SHANK2: variants seen among roughly 807,000 people sequenced by gnomAD.
SHANK2 encodes SH3 and multiple ankyrin repeat domains protein 2.
Under a neutral mutation model 133.7 loss-of-function variants are expected in SHANK2, and 43 were observed. The observed-to-expected ratio is 0.32, with a 90% CI of 0.25 to 0.41. The LOEUF (loss-of-function observed/expected upper bound fraction) is 0.41. SHANK2 is among the 10% of genes least tolerant of loss of function. The pLI is 1.00. For synonymous variants in SHANK2, 1,017 were observed against 952.8 expected, an observed-to-expected ratio of 1.07 and a Z score of -1.24; for missense variants, 1,994 against 2,235.8, an observed-to-expected ratio of 0.89 and a Z score of 2.18.
At chr11:70,867,911 A>G (rs1949393780) in intron 11 of SHANK2, among the ~76,000 whole-genome samples, 1 of 152,122 alleles carries the variant, frequency 6.6e-6, no homozygotes, top group South Asian at 2.1e-4. Flanking sequence ...TCTGGACTTC[A>G]TGTACTGACA....
chr11:70,820,718 C>A, intron 11 of SHANK2, 36 bp from the exon 12 acceptor site: 5 of 631,698 alleles, frequency 7.9e-6, no homozygotes. Flanking sequence ...CCGGTGAGTG[C>A]ATCTGTGTCG....
chr11:70,661,535 A>ACC (rs1372239691), intron 16 of SHANK2, 61 bp downstream of exon 16: 1 of 1,207,342 alleles, frequency 8.3e-7, no homozygotes, highest in African/African-American at 1.5e-5. Context: ...ACACACACAC[A>ACC]CACACACACA....
chr11:70,681,292 T>C (rs1945024485), intron 15 of SHANK2, among the ~76,000 whole-genome samples: 1 of 152,126 alleles, frequency 6.6e-6, no homozygotes, highest in Admixed American at 6.5e-5. Context: ...CACAGAGATG[T>C]TTCTCCGCGG....
At chr11:71,244,459 C>A (rs1337598537) in intron 1 of SHANK2, among the ~76,000 whole-genome samples, 1 of 152,248 alleles carries the variant, frequency 6.6e-6, no homozygotes, top group African/African-American at 2.4e-5. Context: ...AGGCTCTCAG[C>A]GTGCAGCCCC....
intron 2 of SHANK2, among the ~76,000 whole-genome samples, chr11:71,217,877 G>A (rs1954446227): frequency 6.6e-6 from 1 of 152,188 alleles, no homozygotes; most frequent in African/African-American, 2.4e-5. Context: ...TTGAGACAGA[G>A]TCTCGCTCTG....
intron 1 of SHANK2, among the ~76,000 whole-genome samples, chr11:71,234,962 G>A (rs550075784): frequency 2.1e-3 from 318 of 152,252 alleles, no homozygotes; most frequent in Non-Finnish European, 2.9e-3. Flanking sequence ...ATGGAGACAC[G>A]AAACATGAGC....
At chr11:70,792,390 A>ACCAG (rs781996287) in intron 14 of SHANK2, among the ~76,000 whole-genome samples, 4 of 132,422 alleles carry the variant, frequency 3.0e-5, no homozygotes, top group Admixed American at 7.8e-5. Flanking sequence ...CAACCAGCCA[A>ACCAG]CCAGCCAACC....
intron 1 of SHANK2, among the ~76,000 whole-genome samples, chr11:71,239,956 G>A (rs559168972): frequency 9.8e-5 from 15 of 152,296 alleles, no homozygotes; most frequent in African/African-American, 2.9e-4. Context: ...ACACATCCCC[G>A]GGAGCTGGGC....
chr11:70,811,512 T>C (rs1948276346), intron 12 of SHANK2, among the ~76,000 whole-genome samples: 2 of 151,986 alleles, frequency 1.3e-5, no homozygotes, highest in African/African-American at 4.8e-5. Context: ...CAAATACCTG[T>C]TCTTCCATCC....
intron 10 of SHANK2, chr11:70,942,561 G>A (rs1412190727): frequency 6.6e-6 from 3 of 456,620 alleles, no homozygotes; most frequent in East Asian, 6.9e-5. Flanking sequence ...TTCAACATGA[G>A]ATTTGGTGGG....
intron 17 of SHANK2, among the ~76,000 whole-genome samples, chr11:70,542,386 G>A (rs1453905951): frequency 6.6e-6 from 1 of 152,150 alleles, no homozygotes; most frequent in Non-Finnish European, 1.5e-5. Context: ...AAGGAATACC[G>A]GGAGCCCCAG....
rs374839735 is a variant in SHANK2 at position 71,118,970 on chromosome 11, T to G, written c.270A>C (p.Thr90=). The change falls in exon 4 of 26, where the codon ACA becomes ACC. Residue 90 remains threonine (T), a synonymous_variant. Coordinates refer to ENST00000601538, the MANE Select transcript of SHANK2 (RefSeq NM_012309.5). ...VWVAKQRILC[T]LTQSLKDVLN... is the part of the protein sequence containing the mutation. The stretch of plus-strand genomic sequence containing the variant: ...GGACATCTTTCAAACTCTGGGTTAA[T>G]GTACACAGGATCCGCTGCTTTGCAA... 5.8e-6 allele frequency: 9 copies of G among 1,551,646 alleles called. No homozygotes were observed. The highest frequency in any genetic ancestry group is 1.7e-4 in the Middle Eastern group (1 of 6,014).
At chr11:70,736,773 C>G (rs1341895769) in intron 14 of SHANK2, among the ~76,000 whole-genome samples, 14 of 152,180 alleles carry the variant, frequency 9.2e-5, no homozygotes, top group African/African-American at 3.4e-4. Context: ...CAACACAACC[C>G]CCACCCCACC....
In SHANK2 at chr11:70,698,670, G is replaced by C; in HGVS notation, c.1853+18C>G. On this transcript the variant is annotated intron_variant, in intron 15 of 25. Coordinates refer to ENST00000601538, the MANE Select transcript of SHANK2 (RefSeq NM_012309.5). ...GCTTTGACCAGAGGGTCCTGGAAGA[G>C]AAAGCAGCGCGTCTTACCTGGAAGT... 1 of 718,646 alleles carries C rather than the reference G, an allele frequency of 1.4e-6. No individual in the cohort carries two copies. Among genetic ancestry groups the C allele is most frequent in the South Asian group, 1.5e-5 (1 of 67,608 alleles). 44.5% of individuals were successfully genotyped at this position (718,646 alleles called of 1,614,324 possible). A position where few individuals can be genotyped will look rare whatever the true frequency, so the allele number is the denominator to read the frequency against.
At chr11:71,113,022 C>G (rs1237221264) in intron 5 of SHANK2, among the ~76,000 whole-genome samples, 1 of 152,188 alleles carries the variant, frequency 6.6e-6, no homozygotes, top group Non-Finnish European at 1.5e-5. Context: ...TCAGAGATGC[C>G]GCTTTTGACC....
At chr11:70,748,223 CACAG>C (rs1390446966) in intron 14 of SHANK2, among the ~76,000 whole-genome samples, 1 of 152,176 alleles carries the variant, frequency 6.6e-6, no homozygotes, top group Non-Finnish European at 1.5e-5. Context: ...GGATACCCAC[CACAG>C]ACAAACCCTG....
chr11:71,223,459 T>C (rs964275314), intron 2 of SHANK2, among the ~76,000 whole-genome samples: 13 of 152,256 alleles, frequency 8.5e-5, no homozygotes, highest in Non-Finnish European at 1.5e-5. Context: ...TTGTCATTAT[T>C]CCCTAAACAA....
At chr11:70,608,589 A>G (rs1475936118) in intron 17 of SHANK2, among the ~76,000 whole-genome samples, 3 of 152,178 alleles carry the variant, frequency 2.0e-5, no homozygotes, top group African/African-American at 4.8e-5. Context: ...GGCAGCAGGG[A>G]GCCACTGAGA....
intron 3 of SHANK2, among the ~76,000 whole-genome samples, chr11:71,136,898 T>C (rs1555104864): frequency 2.0e-5 from 3 of 152,242 alleles, no homozygotes; most frequent in Admixed American, 6.5e-5. Context: ...GTTTTGCTCT[T>C]GTTGCCCAGG....
Sources: allele counts gnomAD v4.1 joint callset (sites outside exome capture counted in the v4.1 genomes callset), GRCh38; gene constraint gnomAD v4.1.1; transcripts MANE v1.5; gene names NCBI Gene and HGNC (gene_info 2026-07-23, HGNC 2026-07-21).